Variants in GK5 observed in about 807,000 individuals in gnomAD.
GK5 encodes glycerol kinase 5.
Under a neutral mutation model 77.3 loss-of-function variants are expected in GK5, and 39 were observed. The observed-to-expected ratio is 0.50, with a 90% CI of 0.39 to 0.66. The LOEUF is 0.66. Ranked by LOEUF, GK5 falls within the 30% of genes least tolerant of loss-of-function variation. GK5 has a pLI of 0.00. For missense variants in GK5, 487 were observed against 633.8 expected, an observed-to-expected ratio of 0.77 and a Z score of 2.49; for synonymous variants, 211 against 208.0, an observed-to-expected ratio of 1.01 and a Z score of -0.13.
At chr3:142,173,254 T>G in intron 12 of GK5, 1 of 408,140 alleles carries the variant, frequency 2.5e-6, no homozygotes, top group Non-Finnish European at 4.8e-6. Flanking sequence ...ATAGCCTTAC[T>G]GCCTAATATC....
chr3:142,213,787 A>G (rs960440945), intron 2 of GK5, among the ~76,000 whole-genome samples, 186 bp from the exon 3 acceptor site: 1 of 151,974 alleles, frequency 6.6e-6, no homozygotes, highest in Admixed American at 6.6e-5. Flanking sequence ...TTTTTTTTTT[A>G]CTTGAAGAAA....
intron 2 of GK5, 48 bp downstream of exon 2, chr3:142,215,551 C>CA (rs61501618): frequency 0.044 from 35,081 of 804,550 alleles, 649 homozygotes; most frequent in African/African-American, 0.18. Context: ...AAAACTATTA[C>CA]AAAAAAAAAA....
At chr3:142,168,143 A>G (rs115694641) in intron 15 of GK5, among the ~76,000 whole-genome samples, 1 of 152,256 alleles carries the variant, frequency 6.6e-6, no homozygotes, top group African/African-American at 2.4e-5. Context: ...TTTGATTAAC[A>G]TAAGTATAAA....
intron 5 of GK5, among the ~76,000 whole-genome samples, chr3:142,191,333 TATA>T (rs2063847403): frequency 1.3e-5 from 2 of 151,418 alleles, no homozygotes; most frequent in Non-Finnish European, 2.9e-5. Flanking sequence ...CGGCAAGAAG[TATA>T]ATAATTTAAA....
intron 11 of GK5, among the ~76,000 whole-genome samples, chr3:142,177,947 C>T (rs2063641925): frequency 6.6e-6 from 1 of 151,508 alleles, no homozygotes; most frequent in Admixed American, 6.6e-5. Context: ...CAACCTCCAC[C>T]TCCCAGGTTC....
intron 4 of GK5, 52 bp from the exon 5 acceptor site, chr3:142,198,985 T>A (rs2063977554): frequency 2.2e-6 from 3 of 1,381,404 alleles, no homozygotes; most frequent in Admixed American, 4.3e-5. Context: ...GTGTTTAAAA[T>A]TTCCACATCA....
chr3:142,181,779 A>G (rs1357032263), intron 10 of GK5, among the ~76,000 whole-genome samples: 1 of 152,218 alleles, frequency 6.6e-6, no homozygotes, highest in East Asian at 1.9e-4. Context: ...AAAACGGCCT[A>G]CCTCAGAGAG....
intron 3 of GK5, among the ~76,000 whole-genome samples, chr3:142,207,373 T>A (rs2064124811): frequency 6.6e-6 from 1 of 152,222 alleles, no homozygotes; most frequent in South Asian, 2.1e-4. Context: ...CCTGTTTCCA[T>A]GGATTGTTTC....
chr3:142,172,310 A>C (rs2108781434), intron 13 of GK5, 43 bp downstream of exon 13: 3 of 865,744 alleles, frequency 3.5e-6, no homozygotes, highest in African/African-American at 1.7e-5. Flanking sequence ...AAGACATGGC[A>C]ATATTCTATG....
In GK5 at chr3:142,204,725, T is replaced by C. The variant is rs770344708; in HGVS notation, c.381A>G (p.Val127=). Residue 127 remains valine (V), a synonymous_variant, in exon 4 of 16, where the codon GTA becomes GTG. Coordinates refer to ENST00000392993, the MANE Select transcript of GK5 (RefSeq NM_001039547.3). ...TAAGAAGAGAATTATTCCAAGATTT[T>C]ACAAGTTCAACAGCTCTTAAGTCTT... ...SWQDLRAVEL[V]KSWNNSLLMK... 7.6e-6 allele frequency: 12 copies of C among 1,579,978 alleles called. No individual in the cohort carries two copies. The highest frequency in any genetic ancestry group is 9.6e-6 in the Non-Finnish European group (11 of 1,150,754).
At chr3:142,179,621 A>G (rs2063666392) in intron 11 of GK5, among the ~76,000 whole-genome samples, 1 of 152,246 alleles carries the variant, frequency 6.6e-6, no homozygotes, top group African/African-American at 2.4e-5. Flanking sequence ...AGTTGGTTTG[A>G]GGAAAATTGT....
intron 5 of GK5, among the ~76,000 whole-genome samples, chr3:142,194,826 T>C (rs1333410173): frequency 6.6e-6 from 1 of 150,966 alleles, no homozygotes; most frequent in Non-Finnish European, 1.5e-5. Flanking sequence ...ATCATAGAGA[T>C]AGTTTTACTC....
Position 142,181,623 on chromosome 3 carries a change from T to C in GK5, c.944-58A>G, listed in dbSNP as rs185901881. On this transcript the variant is annotated intron_variant, in intron 10 of 15. Coordinates refer to ENST00000392993, the MANE Select transcript of GK5 (RefSeq NM_001039547.3). Reference sequence around the variant, plus strand: ...TATATGCATAATTCATTATAGAGACTTCTACAATGTAATGATTTGGTTATC... The same window carrying C: ...TATATGCATAATTCATTATAGAGACCTCTACAATGTAATGATTTGGTTATC... 2.7e-5 allele frequency: 31 copies of C among 1,154,260 alleles called. No homozygotes were observed. The East Asian group carries it at 7.2e-4, about 27-fold the overall frequency. The allele number at this position is 1,154,260 out of a possible 1,614,324, so 71.5% of individuals were successfully genotyped here.
chr3:142,223,698 C>T (rs1379747471), intron 1 of GK5, among the ~76,000 whole-genome samples: 1 of 152,194 alleles, frequency 6.6e-6, no homozygotes, highest in Non-Finnish European at 1.5e-5. Context: ...ATTAGCCAGG[C>T]ATGATGGCGG....
intron 3 of GK5, among the ~76,000 whole-genome samples, chr3:142,211,080 G>C (rs922345793): frequency 6.6e-6 from 1 of 152,056 alleles, no homozygotes; most frequent in Non-Finnish European, 1.5e-5. Flanking sequence ...CTCTACCAGA[G>C]AACACACCTA....
chr3:142,170,217 C>T lies in GK5; in HGVS notation c.1441+108G>A, dbSNP rs141527705. ...GCATATGTGTATGGAGTTTAATGGA[C>T]GCCAAGGCTTTCCAGACTCTCTAGA... On this transcript the variant is annotated intron_variant, in intron 15 of 15. Coordinates refer to ENST00000392993, the MANE Select transcript of GK5 (RefSeq NM_001039547.3). The T allele has an allele frequency of 1.3e-3, 1,507 of 1,162,394 alleles. 20 individuals are homozygous for T. In the South Asian group the frequency reaches 0.014, roughly 11 times the overall value. 72.0% of individuals were successfully genotyped at this position (1,162,394 alleles called of 1,614,324 possible).
chr3:142,213,622 A>T (rs2064228659), intron 2 of GK5, 21 bp from the exon 3 acceptor site: 1 of 1,503,878 alleles, frequency 6.6e-7, no homozygotes, highest in Non-Finnish European at 9.3e-7. Flanking sequence ...AGATGGATAA[A>T]ACACATGTTT....
intron 9 of GK5, among the ~76,000 whole-genome samples, chr3:142,183,981 AGGCGCGGTGACTCACGCCT>A (rs2063730438): frequency 6.6e-6 from 1 of 151,832 alleles, no homozygotes; most frequent in African/African-American, 2.4e-5. Context: ...GTAAGAGGCC[AGGCGCGGTGACTCACGCCT>A]GTAATCCCAA....
chr3:142,189,804 T>A (rs1313463955), intron 5 of GK5, among the ~76,000 whole-genome samples: 1 of 152,238 alleles, frequency 6.6e-6, no homozygotes, highest in Non-Finnish European at 1.5e-5. Flanking sequence ...TAAGTTGGAT[T>A]GAGATAATCC....
Sources: gnomAD v4.1 joint callset for allele counts (sites outside exome capture counted in the v4.1 genomes callset) on GRCh38, gnomAD v4.1.1 for gene constraint, MANE v1.5 for transcripts, NCBI Gene and HGNC (gene_info 2026-07-23, HGNC 2026-07-21) for gene names.